Variants in DNM3 observed in about 807,000 individuals in gnomAD.
The protein encoded by DNM3 is dynamin-3.
A neutral mutation model predicts 101.6 loss-of-function variants in DNM3; 47 were observed. That is an observed-to-expected ratio of 0.46 (90% confidence interval 0.37 to 0.59). The LOEUF (loss-of-function observed/expected upper bound fraction) is 0.59, where lower values mean the gene tolerates loss of function less well. Among genes scored for constraint, DNM3 ranks in the 20% least tolerant of loss-of-function variants. The pLI, the probability that DNM3 is intolerant of heterozygous loss-of-function variation, is 0.00. For synonymous variants in DNM3, 385 were observed against 387.9 expected (o/e 0.99, Z 0.09); for missense variants, 849 against 1,085.7 (o/e 0.78, Z 3.06).
intron 11 of DNM3, among the ~76,000 whole-genome samples, chr1:172,071,574 AT>A (rs1471565660): frequency 6.6e-6 from 1 of 152,012 alleles, no homozygotes; most frequent in East Asian, 1.9e-4. Context: ...TTGCAGTTTT[AT>A]TTCTTTCTTT....
At chr1:172,100,248 T>C (rs1364560079) in intron 13 of DNM3, among the ~76,000 whole-genome samples, 2 of 152,184 alleles carry the variant, frequency 1.3e-5, no homozygotes, top group African/African-American at 4.8e-5. Flanking sequence ...TTTTGTATTA[T>C]AGGCTGCAAA....
intron 2 of DNM3, among the ~76,000 whole-genome samples, chr1:171,935,768 A>AATTT (rs1184683663): frequency 1.9e-5 from 1 of 53,776 alleles, no homozygotes; most frequent in Admixed American, 2.2e-4. Context: ...ACAAATCAAA[A>AATTT]CTTTTTTTTT....
At chr1:172,357,219 G>A (rs1444778907) in intron 17 of DNM3, among the ~76,000 whole-genome samples, 3 of 152,174 alleles carry the variant, frequency 2.0e-5, no homozygotes, top group East Asian at 1.9e-4. Flanking sequence ...GTTAAAATGA[G>A]TAGGTAAAAG....
intron 13 of DNM3, among the ~76,000 whole-genome samples, chr1:172,129,040 A>G (rs2056793408): frequency 6.6e-6 from 1 of 150,888 alleles, no homozygotes; most frequent in Admixed American, 6.6e-5. Context: ...CATATTTAAT[A>G]TTTATTTATT....
intron 13 of DNM3, among the ~76,000 whole-genome samples, chr1:172,126,040 C>T (rs1052687109): frequency 6.6e-6 from 1 of 152,004 alleles, no homozygotes; most frequent in South Asian, 2.1e-4. Flanking sequence ...GAATGTCTGC[C>T]TTTTCTTATC....
In DNM3 at chr1:172,048,746, A is replaced by C. The variant is rs1376574189; in HGVS notation, c.1331A>C (p.Lys444Thr). 1 of 1,611,082 alleles carries C rather than the reference A, an allele frequency of 6.2e-7. No individual in the cohort carries two copies. Among genetic ancestry groups the C allele is most frequent in the African/African-American group, 1.3e-5 (1 of 74,784 alleles). ...ELINTVKKCT[K>T]KLANFPRLCE... Reference sequence around the variant, plus strand: ...ATCAACACTGTGAAGAAGTGTACCAAAAAAGTAAGTTCGAATTATTTAACT... The same window carrying C: ...ATCAACACTGTGAAGAAGTGTACCACAAAAGTAAGTTCGAATTATTTAACT... The change falls in exon 10 of 21, where the codon AAA becomes ACA. Residue 444 changes from lysine (K) to threonine (T), a missense_variant. Coordinates refer to ENST00000627582, the MANE Select transcript of DNM3 (RefSeq NM_015569.5).
At chr1:172,218,684 G>A (rs1017172149) in intron 14 of DNM3, among the ~76,000 whole-genome samples, 8 of 152,042 alleles carry the variant, frequency 5.3e-5, no homozygotes, top group African/African-American at 1.9e-4. Flanking sequence ...AAGGAATTGT[G>A]GACTTGCATA....
intron 2 of DNM3, among the ~76,000 whole-genome samples, chr1:171,929,566 G>A (rs977516733): frequency 4.6e-5 from 7 of 152,146 alleles, no homozygotes; most frequent in Admixed American, 2.6e-4. Context: ...AAGCAGTCTG[G>A]CCACATTTTT....
chr1:172,172,189 AG>A (rs2058986703), intron 14 of DNM3, among the ~76,000 whole-genome samples: 1 of 151,646 alleles, frequency 6.6e-6, no homozygotes, highest in African/African-American at 2.4e-5. Flanking sequence ...CTGCCTAGTG[AG>A]GAAGCCCAAG....
At chr1:172,169,514 G>A (rs1435069016) in intron 14 of DNM3, among the ~76,000 whole-genome samples, 1 of 151,808 alleles carries the variant, frequency 6.6e-6, no homozygotes, top group Non-Finnish European at 1.5e-5. Flanking sequence ...TGACTTTTTG[G>A]CTTCTAAGGC....
At chr1:172,147,775 T>G (rs2057968495) in intron 14 of DNM3, among the ~76,000 whole-genome samples, 1 of 152,012 alleles carries the variant, frequency 6.6e-6, no homozygotes, top group African/African-American at 2.4e-5. Context: ...AAGAAAAAAA[T>G]TAATCATCAT....
intron 14 of DNM3, chr1:172,131,877 AT>A: frequency 1.2e-5 from 3 of 255,012 alleles, no homozygotes; most frequent in South Asian, 7.3e-5. Context: ...GATGTTAATA[AT>A]TTTGGTCCTG....
intron 1 of DNM3, among the ~76,000 whole-genome samples, chr1:171,886,313 T>G (rs1448923475): frequency 6.6e-6 from 1 of 152,228 alleles, no homozygotes; most frequent in Non-Finnish European, 1.5e-5. Context: ...ACCAAGTACA[T>G]GTGACTTTAG....
intron 12 of DNM3, 99 bp downstream of exon 12, chr1:172,082,001 C>A: frequency 8.1e-7 from 1 of 1,241,820 alleles, no homozygotes; most frequent in Admixed American, 1.8e-5. Flanking sequence ...TTTGAGAATA[C>A]AATCTGTGCC....
At chr1:172,137,893 T>C (rs1406039872) in intron 14 of DNM3, 1 of 152,168 alleles carries the variant, frequency 6.6e-6, no homozygotes, top group African/African-American at 2.4e-5. Context: ...AGTTTGGATA[T>C]TTTCTCAAAA....
At chr1:172,157,430 C>T (rs949527313) in intron 14 of DNM3, among the ~76,000 whole-genome samples, 2 of 152,002 alleles carry the variant, frequency 1.3e-5, no homozygotes, top group Non-Finnish European at 2.9e-5. Flanking sequence ...GGAACCTCTG[C>T]CATAGAGTAT....
At chr1:172,215,090 AGAC>A (rs1159193911) in intron 14 of DNM3, among the ~76,000 whole-genome samples, 1 of 152,166 alleles carries the variant, frequency 6.6e-6, no homozygotes, top group African/African-American at 2.4e-5. Context: ...TTAAACCTAA[AGAC>A]GAGTGTTCGG....
At position 172,253,489 on chromosome 1, in the gene DNM3, T is replaced by TCTCTCCTCTC. The variant is rs139551857; in HGVS notation, c.1660-37_1660-28dup. 404 of 593,748 alleles carry TCTCTCCTCTC rather than the reference T, an allele frequency of 6.8e-4. 1 individual carries two copies. The highest frequency in any genetic ancestry group is 1.6e-3 in the African/African-American group (72 of 45,328). 36.8% of individuals were successfully genotyped at this position (593,748 alleles called of 1,614,324 possible). A position where few individuals can be genotyped will look rare whatever the true frequency, so the allele number is the denominator to read the frequency against. ...ATCTTTTATTAAAGTCAATTTTCTG[T>TCTCTCCTCTC]CTCTCCTCTCCTCTCCTCTCCTCTC... On this transcript the variant is annotated intron_variant, in intron 14 of 20. Transcript: ENST00000627582.
chr1:172,193,673 G>A (rs2059828374), intron 14 of DNM3, among the ~76,000 whole-genome samples: 1 of 152,038 alleles, frequency 6.6e-6, no homozygotes, highest in Non-Finnish European at 1.5e-5. Context: ...ATTATCTGAT[G>A]GTAGTTTGTA....
Sources: gnomAD v4.1 joint callset for allele counts (sites outside exome capture counted in the v4.1 genomes callset) on GRCh38, gnomAD v4.1.1 for gene constraint, MANE v1.5 for transcripts, NCBI Gene and HGNC (gene_info 2026-07-23, HGNC 2026-07-21) for gene names.